Variants in SLC35D4 observed in about 807,000 individuals in gnomAD.
SLC35D4 encodes UDP-N-acetylglucosamine transporter SLC35D4.
the SLC35D4 span, among the ~76,000 whole-genome samples, chr18:23,266,756 G>A: frequency 6.6e-6 from 1 of 152,212 alleles, no homozygotes; most frequent in African/African-American, 2.4e-5. Flanking sequence ...TTCCTCTCCA[G>A]TGATGACAAG....
At chr18:23,263,653 C>T in the SLC35D4 span, among the ~76,000 whole-genome samples, 4 of 152,220 alleles carry the variant, frequency 2.6e-5, no homozygotes, top group South Asian at 2.1e-4. Context: ...CCTTGCCCTA[C>T]GCTCTGCGTG....
chr18:23,372,261 T>C, the SLC35D4 span, among the ~76,000 whole-genome samples: 1 of 152,138 alleles, frequency 6.6e-6, no homozygotes, highest in Non-Finnish European at 1.5e-5. Flanking sequence ...TGTCTCTATC[T>C]CTCCCTGCCC....
the SLC35D4 span, among the ~76,000 whole-genome samples, chr18:23,434,720 G>C: frequency 2.0e-5 from 3 of 152,018 alleles, no homozygotes; most frequent in Non-Finnish European, 4.4e-5. Flanking sequence ...CTTGAGCCTA[G>C]GAGGCAGAGG....
chr18:23,382,657 T>C, the SLC35D4 span, among the ~76,000 whole-genome samples: 1 of 152,220 alleles, frequency 6.6e-6, no homozygotes, highest in Non-Finnish European at 1.5e-5. Flanking sequence ...AAGCACATGT[T>C]AGAACTGACG....
chr18:23,385,145 A>G, the SLC35D4 span: 2 of 1,420,770 alleles, frequency 1.4e-6, no homozygotes, highest in Non-Finnish European at 1.9e-6. Flanking sequence ...TTTTTGCTTA[A>G]AAATAAAGAG....
At chr18:23,335,218 A>G in the SLC35D4 span, among the ~76,000 whole-genome samples, 1 of 152,256 alleles carries the variant, frequency 6.6e-6, no homozygotes, top group East Asian at 1.9e-4. Flanking sequence ...TGTAACAGAC[A>G]GTTATTTTCA....
chr18:23,350,231 G>C, the SLC35D4 span, among the ~76,000 whole-genome samples: 2 of 152,228 alleles, frequency 1.3e-5, no homozygotes, highest in African/African-American at 4.8e-5. Flanking sequence ...TACAGCTGCT[G>C]ATGTCTTTAC....
chr18:23,388,072 A>AT, the SLC35D4 span, among the ~76,000 whole-genome samples: 1 of 152,196 alleles, frequency 6.6e-6, no homozygotes, highest in African/African-American at 2.4e-5. Context: ...ATCTTACTGA[A>AT]TTAAGACCTT....
the SLC35D4 span, among the ~76,000 whole-genome samples, chr18:23,342,342 T>A: frequency 6.6e-6 from 1 of 152,180 alleles, no homozygotes. Flanking sequence ...GTGACTGGAT[T>A]CTTTAGCTTA....
the SLC35D4 span, among the ~76,000 whole-genome samples, chr18:23,242,272 C>G: frequency 7.2e-5 from 11 of 152,084 alleles, no homozygotes; most frequent in African/African-American, 2.7e-4. Context: ...GAATGAAACT[C>G]TGTCTCAAAA....
At chr18:23,376,307 A>C in the SLC35D4 span, among the ~76,000 whole-genome samples, 1 of 152,230 alleles carries the variant, frequency 6.6e-6, no homozygotes, top group African/African-American at 2.4e-5. Flanking sequence ...CACTGCTGTA[A>C]CCATGTGTAG....
the SLC35D4 span, among the ~76,000 whole-genome samples, chr18:23,268,950 G>A: frequency 1.3e-5 from 2 of 152,210 alleles, no homozygotes; most frequent in East Asian, 1.9e-4. Flanking sequence ...GCAGTCAGCT[G>A]GAAGTTGGCT....
At chr18:23,421,376 C>T in the SLC35D4 span, 1 of 1,613,952 alleles carries the variant, frequency 6.2e-7, no homozygotes, top group Non-Finnish European at 8.5e-7. Flanking sequence ...CCTTGAACTG[C>T]TGTTGATCTC....
chr18:23,248,538 T>TTTTTTTTTTTTTA, the SLC35D4 span, among the ~76,000 whole-genome samples: 90 of 93,590 alleles, frequency 9.6e-4, 2 homozygotes, highest in Non-Finnish European at 1.7e-3. Context: ...TTTTTTTTTT[T>TTTTTTTTTTTTTA]AAAAAAAGGC....
At chr18:23,341,653 A>G in the SLC35D4 span, among the ~76,000 whole-genome samples, 2 of 152,240 alleles carry the variant, frequency 1.3e-5, no homozygotes, top group African/African-American at 2.4e-5. Context: ...TTCAAATGTC[A>G]GCACGTTTTG....
the SLC35D4 span, among the ~76,000 whole-genome samples, chr18:23,431,547 T>C: frequency 6.6e-6 from 1 of 152,252 alleles, no homozygotes; most frequent in African/African-American, 2.4e-5. Context: ...GGGTTTTGTA[T>C]GTCTTTTGTA....
chr18:23,245,979 TGGTCCCGGCC>T, the SLC35D4 span, among the ~76,000 whole-genome samples: 3 of 152,142 alleles, frequency 2.0e-5, no homozygotes, highest in Non-Finnish European at 4.4e-5. Flanking sequence ...TTGAAAACAG[TGGTCCCGGCC>T]GGGCACGGTG....
At chr18:23,378,953 C>A in the SLC35D4 span, among the ~76,000 whole-genome samples, 11 of 152,188 alleles carry the variant, frequency 7.2e-5, no homozygotes, top group Non-Finnish European at 1.6e-4. Context: ...AGACTCTAAT[C>A]TTGATCTTTG....
chr18:23,352,997 G>A, the SLC35D4 span, among the ~76,000 whole-genome samples: 1 of 151,890 alleles, frequency 6.6e-6, no homozygotes, highest in African/African-American at 2.4e-5. Context: ...GCCCTGTGTG[G>A]CCAAGGCCAA....
Sources: allele counts gnomAD v4.1 joint callset (sites outside exome capture counted in the v4.1 genomes callset), GRCh38; gene constraint gnomAD v4.1.1; transcripts MANE v1.5; gene names NCBI Gene and HGNC (gene_info 2026-07-23, HGNC 2026-07-21).